Variants in NDST3 observed in about 807,000 individuals in gnomAD.
The protein encoded by NDST3 is bifunctional heparan sulfate N-deacetylase/N-sulfotransferase 3.
NDST3 carries 58 observed loss-of-function variants against 96.1 expected under a neutral mutation model. The observed-to-expected ratio is 0.60, with a 90% CI of 0.49 to 0.75. The LOEUF is 0.75. NDST3 is among the 30% of genes least tolerant of loss of function. NDST3 has a pLI of 0.00. For synonymous variants in NDST3, 333 were observed against 359.7 expected, an observed-to-expected ratio of 0.93 and a Z score of 0.84; for missense variants, 788 against 1,034.2, an observed-to-expected ratio of 0.76 and a Z score of 3.27.
intron 8 of NDST3, among the ~76,000 whole-genome samples, chr4:118,231,498 T>G (rs1301182588): frequency 2.6e-5 from 4 of 151,376 alleles, no homozygotes; most frequent in Non-Finnish European, 5.9e-5. Context: ...AGTAAATAAA[T>G]AATAAAGAAA....
Position 118,066,584 on chromosome 4 carries a change from A to T in NDST3, c.981+11693A>T, listed in dbSNP as rs1398119236. Reference sequence around the variant, plus strand: ...TATATATTATATATACATTATATATAACATGTTATATATTATATATACATT... The same window carrying T: ...TATATATTATATATACATTATATATTACATGTTATATATTATATATACATT... On this transcript the variant is annotated intron_variant, in intron 2 of 13. Transcript: ENST00000296499. Among the ~76,000 whole-genome samples, 56 of 8,990 alleles carry T rather than the reference A, an allele frequency of 6.2e-3. 13 individuals are homozygous for T. The highest frequency in any genetic ancestry group is 8.0e-3 in the African/African-American group (53 of 6,638). 5.9% of individuals were successfully genotyped at this position (8,990 alleles called of 152,430 possible).
intron 6 of NDST3, among the ~76,000 whole-genome samples, chr4:118,165,178 C>T (rs1331294290): frequency 6.6e-6 from 1 of 151,966 alleles, no homozygotes; most frequent in African/African-American, 2.4e-5. Flanking sequence ...TTGTTGTCTA[C>T]AGAACACTAG....
chr4:118,228,953 A>G (rs141242065), intron 8 of NDST3, among the ~76,000 whole-genome samples: 2 of 152,266 alleles, frequency 1.3e-5, no homozygotes, highest in Non-Finnish European at 2.9e-5. Flanking sequence ...GTAGTTTCTC[A>G]TATCAGTTAC....
chr4:118,213,794 T>C (rs974177523), intron 6 of NDST3, among the ~76,000 whole-genome samples: 17 of 150,890 alleles, frequency 1.1e-4, no homozygotes, highest in Non-Finnish European at 2.4e-4. Flanking sequence ...TCAGAATTTT[T>C]TTCTTTTTTG....
At chr4:118,134,705 T>C (rs1732928902) in intron 4 of NDST3, among the ~76,000 whole-genome samples, 1 of 152,180 alleles carries the variant, frequency 6.6e-6, no homozygotes, top group African/African-American at 2.4e-5. Context: ...AGGGCTGAGA[T>C]GTGGAAATCA....
intron 1 of NDST3, among the ~76,000 whole-genome samples, chr4:118,050,597 C>A (rs1725022018): frequency 6.6e-6 from 1 of 151,824 alleles, no homozygotes; most frequent in South Asian, 2.1e-4. Flanking sequence ...AGCTGAGAGT[C>A]CAATGAAGAA....
At chr4:118,110,023 G>A (rs114774366) in intron 3 of NDST3, among the ~76,000 whole-genome samples, 224 of 152,240 alleles carry the variant, frequency 1.5e-3, no homozygotes, top group African/African-American at 5.1e-3. Context: ...GTTAAAGAAC[G>A]TGTTAACTTG....
intron 6 of NDST3, among the ~76,000 whole-genome samples, chr4:118,185,163 A>G: frequency 6.6e-6 from 1 of 152,262 alleles, no homozygotes; most frequent in African/African-American, 2.4e-5. Flanking sequence ...ATGCTACTGT[A>G]CATTTTTTAA....
At chr4:118,106,371 G>A (rs1730181992) in intron 3 of NDST3, among the ~76,000 whole-genome samples, 1 of 151,732 alleles carries the variant, frequency 6.6e-6, no homozygotes, top group Non-Finnish European at 1.5e-5. Flanking sequence ...TTTGAGACAG[G>A]ATCTTGCTCT....
At chr4:118,220,870 T>G (rs912473357) in intron 6 of NDST3, among the ~76,000 whole-genome samples, 21 of 152,104 alleles carry the variant, frequency 1.4e-4, no homozygotes, top group African/African-American at 4.8e-5. Flanking sequence ...TAAAAAGGAC[T>G]ACTACAAAGC....
chr4:118,074,431 T>TG (rs1727331818), intron 2 of NDST3, among the ~76,000 whole-genome samples: 1 of 152,228 alleles, frequency 6.6e-6, no homozygotes, highest in Non-Finnish European at 1.5e-5. Context: ...GGTGCTCTAC[T>TG]GTTAGATGCA....
intron 2 of NDST3, among the ~76,000 whole-genome samples, chr4:118,079,917 T>G (rs992501976): frequency 2.3e-4 from 35 of 152,146 alleles, no homozygotes; most frequent in African/African-American, 8.2e-4. Context: ...TAGGAAAGAA[T>G]AGAATCAAGG....
At chr4:118,126,530 A>C (rs912609160) in intron 4 of NDST3, among the ~76,000 whole-genome samples, 1 of 11,854 alleles carries the variant, frequency 8.4e-5, no homozygotes, top group African/African-American at 1.1e-4. Flanking sequence ...ATATATATAT[A>C]TATACACATA....
chr4:118,194,309 TCCGC>T, intron 6 of NDST3: 1 of 734,214 alleles, frequency 1.4e-6, no homozygotes, highest in Admixed American at 1.8e-5. Flanking sequence ...TGTAGATGAT[TCCGC>T]CATCTTCTTC....
intron 6 of NDST3, among the ~76,000 whole-genome samples, chr4:118,146,749 G>A (rs1733976299): frequency 6.6e-6 from 1 of 152,194 alleles, no homozygotes; most frequent in African/African-American, 2.4e-5. Context: ...TCACAGGCCT[G>A]GACAACTCTC....
chr4:118,039,773 C>G (rs779948064), intron 1 of NDST3, among the ~76,000 whole-genome samples: 1 of 151,910 alleles, frequency 6.6e-6, no homozygotes. Context: ...GTGGAAAGAC[C>G]CTGAGACAGA....
At chr4:118,222,893 G>A (rs1452681414) in intron 6 of NDST3, among the ~76,000 whole-genome samples, 1 of 151,848 alleles carries the variant, frequency 6.6e-6, no homozygotes, top group Admixed American at 6.6e-5. Flanking sequence ...AAGGGATTTC[G>A]AATGTATTAG....
Position 118,255,982 on chromosome 4 carries a change from A to C in NDST3, c.*270A>C, listed in dbSNP as rs773416877. On this transcript the variant is annotated 3_prime_UTR_variant, in exon 14 of 14. Transcript: ENST00000296499. The stretch of plus-strand genomic sequence containing the variant: ...CTCATGTGGAAGTCAATTGCAACCA[A>C]CATAAATATCAAACACAAATGCAGA... 16 of 231,114 alleles carry C rather than the reference A, an allele frequency of 6.9e-5. No individual in the cohort carries two copies. The highest frequency in any genetic ancestry group is 4.2e-5 in the Non-Finnish European group (5 of 119,470). 14.3% of individuals were successfully genotyped at this position (231,114 alleles called of 1,614,324 possible).
chr4:118,243,906 A>G (rs897381873), intron 12 of NDST3, among the ~76,000 whole-genome samples: 3 of 152,220 alleles, frequency 2.0e-5, no homozygotes, highest in African/African-American at 4.8e-5. Flanking sequence ...TCAAAGCAAC[A>G]TACTATATAC....
Sources: allele counts gnomAD v4.1 joint callset (sites outside exome capture counted in the v4.1 genomes callset), GRCh38; gene constraint gnomAD v4.1.1; transcripts MANE v1.5; gene names NCBI Gene and HGNC (gene_info 2026-07-23, HGNC 2026-07-21).